The following PTN variants were observed in gnomAD, a reference collection of about 807,000 sequenced individuals.
PTN encodes pleiotrophin.
PTN carries 18 observed loss-of-function variants against 24.1 expected under a neutral mutation model. The ratio of observed to expected loss-of-function variants is 0.75; its 90% CI spans 0.52 to 1.11. The LOEUF is 1.11. Among genes scored for constraint, PTN ranks in the 50% least tolerant of loss-of-function variants. The pLI is 0.00. For missense variants in PTN, 163 were observed against 198.8 expected (o/e 0.82, Z 1.08); for synonymous variants, 78 against 68.6 (o/e 1.14, Z -0.67).
chr7:137,236,067 G>T, intron 4 of PTN: 1 of 651,480 alleles, frequency 1.5e-6, no homozygotes, highest in Non-Finnish European at 2.8e-6. Context: ...TAGTGAAGAT[G>T]AAATTACTTC....
chr7:137,228,909 T>C (rs1321095032), intron 4 of PTN, among the ~76,000 whole-genome samples: 1 of 151,816 alleles, frequency 6.6e-6, no homozygotes, highest in African/African-American at 2.4e-5. Context: ...CTGAGCCACT[T>C]CTCCAATTTG....
intron 1 of PTN, among the ~76,000 whole-genome samples, chr7:137,277,451 C>G (rs148600256): frequency 1.3e-5 from 2 of 152,132 alleles, no homozygotes; most frequent in Non-Finnish European, 2.9e-5. Flanking sequence ...AAGGCATACA[C>G]AAATGTTTAT....
chr7:137,298,017 T>C (rs1025807174), intron 1 of PTN, among the ~76,000 whole-genome samples: 2 of 152,002 alleles, frequency 1.3e-5, no homozygotes, highest in Non-Finnish European at 2.9e-5. Flanking sequence ...AATAGCTCAC[T>C]CTGCAAGAAC....
intron 4 of PTN, among the ~76,000 whole-genome samples, chr7:137,246,344 G>A (rs1043321350): frequency 6.6e-6 from 1 of 152,138 alleles, no homozygotes; most frequent in African/African-American, 2.4e-5. Flanking sequence ...TACAGCCTAG[G>A]GGCACAGTAG....
At chr7:137,319,637 G>C (rs1199217815) in intron 1 of PTN, among the ~76,000 whole-genome samples, 1 of 152,156 alleles carries the variant, frequency 6.6e-6, no homozygotes, top group Non-Finnish European at 1.5e-5. Flanking sequence ...ATTTTATCAG[G>C]ATCTCAAAAT....
intron 4 of PTN, among the ~76,000 whole-genome samples, chr7:137,243,319 G>A (rs1391124333): frequency 2.0e-5 from 3 of 152,046 alleles, no homozygotes; most frequent in South Asian, 2.1e-4. Flanking sequence ...AATTATTCCC[G>A]CAGAAAATAA....
At chr7:137,258,120 C>G (rs10435428) in intron 1 of PTN, among the ~76,000 whole-genome samples, 17,565 of 152,060 alleles carry the variant, frequency 0.12, 1,316 homozygotes, top group East Asian at 0.26. Flanking sequence ...TAATCCAGTT[C>G]TATTCACTGA....
At chr7:137,273,957 T>C (rs533217934) in intron 1 of PTN, among the ~76,000 whole-genome samples, 1 of 152,200 alleles carries the variant, frequency 6.6e-6, no homozygotes, top group Non-Finnish European at 1.5e-5. Flanking sequence ...CAGCTCACTT[T>C]TGCTTATTTG....
Position 137,265,241 on chromosome 7 carries a change from C to T in PTN, c.-1-10267G>A, listed in dbSNP as rs142600036. Among the ~76,000 whole-genome samples the T allele has an allele frequency of 1.4e-4, 22 of 152,218 alleles. No individual in the cohort carries two copies. The East Asian group carries it at 2.9e-3, about 20-fold the overall frequency. ...ACTGCGTCTAAATGGACAGGAGAGTCGAAAGACCTATAAGGGGCTTCTCTC... is the reference window on the plus strand; with the variant it reads ...ACTGCGTCTAAATGGACAGGAGAGTTGAAAGACCTATAAGGGGCTTCTCTC... On this transcript the variant is annotated intron_variant, in intron 1 of 4. Coordinates refer to ENST00000348225, the MANE Select transcript of PTN (RefSeq NM_002825.7).
At chr7:137,277,349 C>T (rs897242306) in intron 1 of PTN, among the ~76,000 whole-genome samples, 2 of 152,186 alleles carry the variant, frequency 1.3e-5, no homozygotes, top group Non-Finnish European at 2.9e-5. Flanking sequence ...CACTATTGAA[C>T]ACATTTTAGA....
intron 1 of PTN, among the ~76,000 whole-genome samples, chr7:137,268,020 G>A (rs1585021431): frequency 6.6e-6 from 1 of 152,036 alleles, no homozygotes; most frequent in African/African-American, 2.4e-5. Context: ...GGCACAAAGT[G>A]GGTGATCAGG....
At chr7:137,307,153 A>T (rs78415309) in intron 1 of PTN, among the ~76,000 whole-genome samples, 203 of 152,190 alleles carry the variant, frequency 1.3e-3, no homozygotes, top group African/African-American at 4.7e-3. Context: ...TCATGTTGAC[A>T]TTTTATCTTC....
At chr7:137,319,895 G>A (rs943897236) in intron 1 of PTN, among the ~76,000 whole-genome samples, 2 of 152,102 alleles carry the variant, frequency 1.3e-5, no homozygotes, top group Non-Finnish European at 2.9e-5. Flanking sequence ...AGTCTTATGT[G>A]GTCTAGGTCA....
chr7:137,250,031 T>C lies in PTN; in HGVS notation c.451+1199A>G, dbSNP rs541003286. On this transcript the variant is annotated intron_variant, in intron 4 of 4. Coordinates refer to ENST00000348225, the MANE Select transcript of PTN (RefSeq NM_002825.7). ...TTTTTTTTTCTACTTTTATTTATTATGAGCATTTCTTACATGGTCATTTTT... is the reference window on the plus strand; with the variant it reads ...TTTTTTTTTCTACTTTTATTTATTACGAGCATTTCTTACATGGTCATTTTT... 2.8e-4 allele frequency among the ~76,000 whole-genome samples: 43 copies of C among 152,272 alleles called. No homozygotes were observed. In the South Asian group the frequency reaches 7.3e-3, roughly 26 times the overall value.
chr7:137,337,146 C>G (rs945986315), intron 1 of PTN, among the ~76,000 whole-genome samples: 2 of 152,164 alleles, frequency 1.3e-5, no homozygotes, highest in African/African-American at 4.8e-5. Flanking sequence ...CAGCTGGAAC[C>G]TACACATGAC....
intron 4 of PTN, among the ~76,000 whole-genome samples, chr7:137,237,925 GA>G (rs1475600346): frequency 6.6e-6 from 1 of 152,162 alleles, no homozygotes; most frequent in Non-Finnish European, 1.5e-5. Context: ...AGCCTAGCAA[GA>G]GAAAGGATCA....
chr7:137,291,537 G>C (rs1809638805), intron 1 of PTN, among the ~76,000 whole-genome samples: 1 of 152,016 alleles, frequency 6.6e-6, no homozygotes, highest in Non-Finnish European at 1.5e-5. Context: ...CTCACAGGTT[G>C]GGCATCTACA....
intron 1 of PTN, among the ~76,000 whole-genome samples, chr7:137,275,703 T>C (rs1234096062): frequency 6.8e-6 from 1 of 147,432 alleles, no homozygotes; most frequent in African/African-American, 2.4e-5. Context: ...CAAGACTCTC[T>C]AGTATTGGCA....
intron 1 of PTN, among the ~76,000 whole-genome samples, chr7:137,290,955 T>A (rs965943168): frequency 6.6e-6 from 1 of 152,202 alleles, no homozygotes; most frequent in African/African-American, 2.4e-5. Context: ...AGGTATTTTT[T>A]AAGCAATATT....
Sources: allele counts gnomAD v4.1 joint callset (sites outside exome capture counted in the v4.1 genomes callset), GRCh38; gene constraint gnomAD v4.1.1; transcripts MANE v1.5; gene names NCBI Gene and HGNC (gene_info 2026-07-23, HGNC 2026-07-21).